The following SPATS2L variants were observed in gnomAD, a reference collection of about 807,000 sequenced individuals.
SPATS2L encodes spermatogenesis associated serine rich 2 like.
A neutral mutation model predicts 59.6 loss-of-function variants in SPATS2L; 30 were observed. The ratio of observed to expected loss-of-function variants is 0.50; its 90% CI spans 0.38 to 0.68. The LOEUF (loss-of-function observed/expected upper bound fraction) is 0.68, where lower values mean the gene tolerates loss of function less well. Among genes scored for constraint, SPATS2L ranks in the 30% least tolerant of loss-of-function variants. The pLI is 0.00. For synonymous variants in SPATS2L, 252 were observed against 263.5 expected, an observed-to-expected ratio of 0.96 and a Z score of 0.42; for missense variants, 615 against 700.0, an observed-to-expected ratio of 0.88 and a Z score of 1.37.
At chr2:200,347,824 C>A (rs2080569427) in intron 2 of SPATS2L, among the ~76,000 whole-genome samples, 1 of 152,212 alleles carries the variant, frequency 6.6e-6, no homozygotes, top group Non-Finnish European at 1.5e-5. Context: ...AATTTAGTCA[C>A]TAGATTCATT....
intron 2 of SPATS2L, among the ~76,000 whole-genome samples, chr2:200,382,631 G>A (rs1303053031): frequency 6.6e-6 from 1 of 152,166 alleles, no homozygotes; most frequent in Non-Finnish European, 1.5e-5. Flanking sequence ...GGCTTGCTGA[G>A]TTGGACTGCC....
chr2:200,329,313 G>A (rs1160492716), intron 1 of SPATS2L, 118 bp from the exon 2 acceptor site: 133 of 831,750 alleles, frequency 1.6e-4, no homozygotes, highest in Middle Eastern at 2.2e-4. Flanking sequence ...GGGTGAGGAC[G>A]AATTCCCTGT....
chr2:200,349,982 G>A (rs2080662903), intron 2 of SPATS2L, among the ~76,000 whole-genome samples: 1 of 152,172 alleles, frequency 6.6e-6, no homozygotes, highest in African/African-American at 2.4e-5. Context: ...AGAGCTGGAG[G>A]CCTCACTGTT....
At chr2:200,439,053 C>A (rs541576832) in intron 6 of SPATS2L, 69 bp from the exon 7 acceptor site, 78 of 1,357,018 alleles carry the variant, frequency 5.7e-5, no homozygotes, top group Non-Finnish European at 8.1e-5. Context: ...ATCTTGGCAT[C>A]CTCCATCACT....
intron 6 of SPATS2L, among the ~76,000 whole-genome samples, chr2:200,422,467 G>A (rs1168491455): frequency 1.3e-5 from 2 of 150,698 alleles, no homozygotes; most frequent in African/African-American, 4.9e-5. Context: ...AGCCCAGGAG[G>A]TTGAGGCTTC....
Position 200,480,360 on chromosome 2 carries a change from CAG to C in SPATS2L, c.*2330_*2331del, listed in dbSNP as rs1359256441. ...TTCCTTTTTTTTTTTTTTTTTGAGA[CAG>C]GGTCTTGCTCTATCACCTAGGCTGG... On this transcript the variant is annotated 3_prime_UTR_variant, in exon 13 of 13. Coordinates refer to ENST00000409140, the MANE Select transcript of SPATS2L (RefSeq NM_001100423.2). 8.8e-6 allele frequency: 1 copy of C among 114,032 alleles called. No homozygotes were observed. The highest frequency in any genetic ancestry group is 3.3e-5 in the African/African-American group (1 of 30,206). The allele number at this position is 114,032 out of a possible 1,614,324, so 7.1% of individuals were successfully genotyped here. A position where few individuals can be genotyped will look rare whatever the true frequency, so the allele number is the denominator to read the frequency against.
intron 10 of SPATS2L, 141 bp downstream of exon 10, chr2:200,467,540 A>T: frequency 3.2e-6 from 2 of 630,854 alleles, no homozygotes; most frequent in Non-Finnish European, 5.7e-6. Flanking sequence ...AATAGAGAAC[A>T]CAGAAGGGGG....
At chr2:200,380,539 C>A (rs1394928542) in intron 2 of SPATS2L, among the ~76,000 whole-genome samples, 1 of 152,232 alleles carries the variant, frequency 6.6e-6, no homozygotes, top group Non-Finnish European at 1.5e-5. Context: ...TTATCTGCCT[C>A]TGAAAGCAGG....
upstream of SPATS2L, chr2:200,306,569 A>G: frequency 1.0e-6 from 1 of 998,436 alleles, no homozygotes; most frequent in Non-Finnish European, 1.2e-6. Flanking sequence ...TGCGAGCGGG[A>G]GCGAGGGGCG....
In SPATS2L at chr2:200,306,695, T is replaced by G. The variant is rs1242595182; in HGVS notation, c.-300T>G. ...CCTGCGTGGGGCGGCCGAGCCGGAG[T>G]TGTGTCAGTGAAGGAATCCAGTCCG... On this transcript the variant is annotated 5_prime_UTR_variant, in exon 1 of 13. Transcript: ENST00000409140. 2.0e-6 allele frequency: 2 copies of G among 982,974 alleles called. No homozygotes were observed. The highest frequency in any genetic ancestry group is 3.6e-5 in the African/African-American group (2 of 56,216). 60.9% of individuals were successfully genotyped at this position (982,974 alleles called of 1,614,324 possible). A position where few individuals can be genotyped will look rare whatever the true frequency, so the allele number is the denominator to read the frequency against.
intron 2 of SPATS2L, among the ~76,000 whole-genome samples, chr2:200,349,188 A>C (rs1464497107): frequency 6.6e-6 from 1 of 152,244 alleles, no homozygotes; most frequent in Admixed American, 6.5e-5. Context: ...ATCACGTTAG[A>C]GACCACCAGC....
At chr2:200,345,375 G>A (rs1159591297) in intron 2 of SPATS2L, among the ~76,000 whole-genome samples, 2 of 152,322 alleles carry the variant, frequency 1.3e-5, no homozygotes, top group East Asian at 3.9e-4. Flanking sequence ...GACTGACTCT[G>A]GATAACTGAG....
chr2:200,328,821 G>A (rs2079841360), intron 1 of SPATS2L, among the ~76,000 whole-genome samples: 1 of 152,206 alleles, frequency 6.6e-6, no homozygotes, highest in African/African-American at 2.4e-5. Flanking sequence ...TGGTTGAATG[G>A]TGAGTTCTTT....
intron 1 of SPATS2L, among the ~76,000 whole-genome samples, chr2:200,322,082 G>A (rs1206260649): frequency 6.6e-6 from 1 of 152,152 alleles, no homozygotes; most frequent in Non-Finnish European, 1.5e-5. Context: ...TAGGATACTT[G>A]GCTGGAATGC....
chr2:200,447,068 A>G (rs568179100), intron 8 of SPATS2L, among the ~76,000 whole-genome samples: 152 of 152,364 alleles, frequency 1.0e-3, no homozygotes, highest in Non-Finnish European at 1.8e-3. Context: ...AATGATAGGC[A>G]GTCACTTTCA....
intron 5 of SPATS2L, among the ~76,000 whole-genome samples, chr2:200,416,704 TG>T (rs1225389836): frequency 1.3e-5 from 2 of 152,184 alleles, no homozygotes; most frequent in African/African-American, 4.8e-5. Flanking sequence ...GGAGCCCAGC[TG>T]GAGAATTCAA....
At chr2:200,437,026 G>C (rs1297923318) in intron 6 of SPATS2L, among the ~76,000 whole-genome samples, 2 of 152,136 alleles carry the variant, frequency 1.3e-5, no homozygotes, top group East Asian at 3.8e-4. Flanking sequence ...TCACCATGTG[G>C]TATGCTGGCT....
At chr2:200,374,479 T>C (rs2081533938) in intron 2 of SPATS2L, among the ~76,000 whole-genome samples, 1 of 152,136 alleles carries the variant, frequency 6.6e-6, no homozygotes, top group Non-Finnish European at 1.5e-5. Context: ...TTGACCATTT[T>C]GTTACATTCT....
At chr2:200,387,320 T>C (rs986258382) in intron 2 of SPATS2L, among the ~76,000 whole-genome samples, 7 of 152,210 alleles carry the variant, frequency 4.6e-5, no homozygotes, top group Non-Finnish European at 8.8e-5. Flanking sequence ...GTGTTTTCAA[T>C]AGATGGGGCA....
Sources: gnomAD v4.1 joint callset for allele counts (sites outside exome capture counted in the v4.1 genomes callset) on GRCh38, gnomAD v4.1.1 for gene constraint, MANE v1.5 for transcripts, NCBI Gene and HGNC (gene_info 2026-07-23, HGNC 2026-07-21) for gene names.